The following DPYD variants were observed in gnomAD, a reference collection of about 807,000 sequenced individuals.
DPYD encodes the protein dihydropyrimidine dehydrogenase [NADP(+)].
A neutral mutation model predicts 116.2 loss-of-function variants in DPYD; 109 were observed. That is an observed-to-expected ratio of 0.94 (90% confidence interval 0.80 to 1.10). The LOEUF (loss-of-function observed/expected upper bound fraction) is 1.10. Among genes scored for constraint, DPYD ranks in the 50% least tolerant of loss-of-function variants. The probability of loss-of-function intolerance (pLI) is 0.00; values close to 1 mark genes in which losing one functional copy is unlikely to be tolerated. For missense variants in DPYD, 1,302 were observed against 1,254.5 expected (o/e 1.04, Z -0.57); for synonymous variants, 440 against 432.0 (o/e 1.02, Z -0.23).
At chr1:97,778,193 AGAGAGAGAG>A (rs1666530751) in intron 3 of DPYD, among the ~76,000 whole-genome samples, 3 of 110,456 alleles carry the variant, frequency 2.7e-5, no homozygotes, top group Non-Finnish European at 3.6e-5. Context: ...AAAGAAAGAG[AGAGAGAGAG>A]AGAGAGAGAG....
At chr1:97,187,581 C>T (rs1427230199) in intron 20 of DPYD, among the ~76,000 whole-genome samples, 1 of 151,842 alleles carries the variant, frequency 6.6e-6, no homozygotes, top group Middle Eastern at 3.2e-3. Context: ...ATTTTAAGTC[C>T]CATTTGTCTA....
intron 13 of DPYD, among the ~76,000 whole-genome samples, chr1:97,474,002 TGA>T (rs1677804628): frequency 7.9e-6 from 1 of 127,264 alleles, no homozygotes; most frequent in Non-Finnish European, 1.6e-5. Flanking sequence ...GGCAACAGAG[TGA>T]GAAACTGTCT....
intron 18 of DPYD, among the ~76,000 whole-genome samples, chr1:97,291,456 G>T (rs1442710276): frequency 6.6e-6 from 1 of 151,880 alleles, no homozygotes; most frequent in Non-Finnish European, 1.5e-5. Context: ...AACAATGATA[G>T]ACTGGATTAA....
intron 8 of DPYD, among the ~76,000 whole-genome samples, chr1:97,675,142 TG>T (rs1660072114): frequency 6.6e-6 from 1 of 152,224 alleles, no homozygotes; most frequent in Non-Finnish European, 1.5e-5. Context: ...TATTATTTTC[TG>T]GTTATTTTTA....
At chr1:97,222,317 C>T (rs967750125) in intron 19 of DPYD, among the ~76,000 whole-genome samples, 1 of 152,082 alleles carries the variant, frequency 6.6e-6, no homozygotes, top group African/African-American at 2.4e-5. Context: ...TATACGCCTG[C>T]AAACATCTTA....
chr1:97,478,633 G>A (rs1428948650), intron 13 of DPYD, among the ~76,000 whole-genome samples: 1 of 152,172 alleles, frequency 6.6e-6, no homozygotes, highest in Non-Finnish European at 1.5e-5. Context: ...AATGGTACAT[G>A]AGCATTGGCT....
intron 8 of DPYD, among the ~76,000 whole-genome samples, chr1:97,626,420 T>C (rs148419462): frequency 2.0e-5 from 3 of 151,952 alleles, no homozygotes; most frequent in Admixed American, 1.3e-4. Context: ...TTCCAATGAC[T>C]ACGACTGTTT....
chr1:97,710,124 T>A (rs548137055), intron 5 of DPYD, among the ~76,000 whole-genome samples: 12 of 151,962 alleles, frequency 7.9e-5, no homozygotes, highest in African/African-American at 2.4e-4. Context: ...AGTGTAGGTC[T>A]AAGATAAATC....
chr1:97,215,453 C>A (rs766481847), intron 19 of DPYD, among the ~76,000 whole-genome samples: 2 of 152,102 alleles, frequency 1.3e-5, no homozygotes, highest in East Asian at 1.9e-4. Flanking sequence ...ATTACAATAG[C>A]GTCTCTAGAG....
intron 14 of DPYD, among the ~76,000 whole-genome samples, chr1:97,429,946 T>C (rs917702437): frequency 6.6e-6 from 1 of 152,138 alleles, no homozygotes; most frequent in African/African-American, 2.4e-5. Flanking sequence ...GCTTAATAAA[T>C]GTGGACAAAC....
intron 1 of DPYD, among the ~76,000 whole-genome samples, chr1:97,895,806 T>G (rs1395251919): frequency 6.6e-6 from 1 of 151,800 alleles, no homozygotes; most frequent in African/African-American, 2.4e-5. Context: ...TATTCTTAAT[T>G]AATACACTTT....
intron 3 of DPYD, among the ~76,000 whole-genome samples, chr1:97,807,370 T>C (rs1251518848): frequency 6.6e-6 from 1 of 152,074 alleles, no homozygotes; most frequent in African/African-American, 2.4e-5. Context: ...TGTGTAGTGG[T>C]ATCTGTTGTT....
intron 13 of DPYD, among the ~76,000 whole-genome samples, chr1:97,458,089 A>C (rs983666164): frequency 1.3e-5 from 2 of 152,200 alleles, no homozygotes. Context: ...ATATGCTTTG[A>C]AGAAATCTTT....
chr1:97,219,863 C>T lies in DPYD; in HGVS notation c.2442+14989G>A, dbSNP rs535263206. On this transcript the variant is annotated intron_variant, in intron 19 of 22. Coordinates refer to ENST00000370192, the MANE Select transcript of DPYD (RefSeq NM_000110.4). ...AATCGTTATCATGACCTGAAGTACTCCACAAGATTCATCTCTGCCTATGTC... is the reference window on the plus strand; with the variant it reads ...AATCGTTATCATGACCTGAAGTACTTCACAAGATTCATCTCTGCCTATGTC... Among the ~76,000 whole-genome samples, 22 of 152,254 alleles carry T rather than the reference C, an allele frequency of 1.4e-4. No individual in the cohort carries two copies. The South Asian group carries it at 4.6e-3, about 32-fold the overall frequency.
At chr1:97,118,666 A>AT (rs544678645) in intron 20 of DPYD, among the ~76,000 whole-genome samples, 142 of 152,230 alleles carry the variant, frequency 9.3e-4, no homozygotes, top group Middle Eastern at 3.4e-3. Flanking sequence ...TGTTTTAAAT[A>AT]TTTTTTCTGC....
chr1:97,764,775 A>T (rs1345797265), intron 3 of DPYD, among the ~76,000 whole-genome samples: 1 of 152,104 alleles, frequency 6.6e-6, no homozygotes, highest in Non-Finnish European at 1.5e-5. Context: ...TTAGAGATTT[A>T]TTACGTACTT....
rs1676335962 is a variant in DPYD at position 97,450,226 on chromosome 1, G to C, written c.1741-3C>G. 4.3e-6 allele frequency: 7 copies of C among 1,613,296 alleles called. No homozygotes were observed. The highest frequency in any genetic ancestry group is 1.3e-5 in the African/African-American group (1 of 75,006). On this transcript the variant is annotated splice_polypyrimidine_tract_variant and splice_region_variant and intron_variant, in intron 13 of 22. Coordinates refer to ENST00000370192, the MANE Select transcript of DPYD (RefSeq NM_000110.4). ...GGGGAAACATTTGTCACAATGTCCT[G>C]ATGAAAGAGTAAAGATATTGAGTCT...
intron 2 of DPYD, among the ~76,000 whole-genome samples, chr1:97,869,164 G>A (rs1558020367): frequency 2.0e-5 from 3 of 151,708 alleles, no homozygotes; most frequent in Admixed American, 6.6e-5. Context: ...AGATATCTAG[G>A]AGAGAATCTG....
At chr1:97,165,270 G>A (rs1570585433) in intron 20 of DPYD, among the ~76,000 whole-genome samples, 1 of 151,882 alleles carries the variant, frequency 6.6e-6, no homozygotes, top group Non-Finnish European at 1.5e-5. Flanking sequence ...CCAGAAATAA[G>A]GCTGCACACC....
Sources: gnomAD v4.1 joint callset for allele counts (sites outside exome capture counted in the v4.1 genomes callset) on GRCh38, gnomAD v4.1.1 for gene constraint, MANE v1.5 for transcripts, NCBI Gene and HGNC (gene_info 2026-07-23, HGNC 2026-07-21) for gene names.